The following PLCD1 variants were observed in gnomAD, a reference collection of about 807,000 sequenced individuals.
PLCD1 encodes the protein 1-phosphatidylinositol 4,5-bisphosphate phosphodiesterase delta-1.
Under a neutral mutation model 87.4 loss-of-function variants are expected in PLCD1, and 71 were observed. That is an observed-to-expected ratio of 0.81 (90% CI 0.67 to 0.99). The LOEUF (loss-of-function observed/expected upper bound fraction) is 0.99, where lower values mean the gene tolerates loss of function less well. Among genes scored for constraint, PLCD1 ranks in the 50% least tolerant of loss-of-function variants. The pLI is 0.00. For synonymous variants in PLCD1, 348 were observed against 399.2 expected, an observed-to-expected ratio of 0.87 and a Z score of 1.53; for missense variants, 867 against 1,001.5, an observed-to-expected ratio of 0.87 and a Z score of 1.81.
intron 3 of PLCD1, among the ~76,000 whole-genome samples, chr3:38,015,083 C>T (rs1700134915): frequency 6.6e-6 from 1 of 152,142 alleles, no homozygotes; most frequent in African/African-American, 2.4e-5. Context: ...ACCATATGAC[C>T]CAGCGATTCT....
Position 38,007,668 on chromosome 3 carries a change from G to T in PLCD1, c.*105C>A, listed in dbSNP as rs1287794855. On this transcript the variant is annotated 3_prime_UTR_variant, in exon 15 of 15. Transcript: ENST00000334661. ...TGTTAGGGCTGAAGGCAATTTGGGG[G>T]CCTAGCTCTGAGCAAGAGGCTGGGA... 3 of 865,862 alleles carry T rather than the reference G, an allele frequency of 3.5e-6. No homozygotes were observed. Among genetic ancestry groups the T allele is most frequent in the East Asian group, 2.6e-5 (1 of 38,888 alleles). The allele number at this position is 865,862 out of a possible 1,614,324, so 53.6% of individuals were successfully genotyped here. A position where few individuals can be genotyped will look rare whatever the true frequency, so the allele number is the denominator to read the frequency against.
chr3:38,010,504 G>A lies in PLCD1; in HGVS notation c.849C>T (p.Asp283=), dbSNP rs751217217. Reference sequence around the variant, plus strand: ...GGTGTGCCAGGCTGAAGGCGCTGCCGTCAGCCGACAGTAAGTACATGAGGA... The same window carrying A: ...GGTGTGCCAGGCTGAAGGCGCTGCCATCAGCCGACAGTAAGTACATGAGGA... The part of the protein sequence containing the change: ...DGFLMYLLSA[D]GSAFSLAHRR... The change falls in exon 6 of 15, where the codon GAC becomes GAT. Residue 283 remains aspartate, a synonymous_variant. Coordinates refer to ENST00000334661, the MANE Select transcript of PLCD1 (RefSeq NM_006225.4). The A allele has an allele frequency of 1.5e-5, 25 of 1,613,802 alleles. No individual in the cohort carries two copies. The highest frequency in any genetic ancestry group is 2.7e-5 in the African/African-American group (2 of 74,934).
Position 38,008,598 on chromosome 3 carries a change from C to T in PLCD1, c.1762G>A (p.Val588Met), listed in dbSNP as rs374428162. ...NFQTPGPEMDVYQGRFQDNGA... is the reference protein window; with the variant it reads ...NFQTPGPEMDMYQGRFQDNGA... ...TTGTCCTGGAAGCGGCCCTGGTACA[C>T]GTCCATCTCTGGCCCAGGTGTCTGG... The change falls in exon 12 of 15, where the codon GTG (valine) becomes ATG (methionine). Residue 588 changes from valine to methionine, a missense_variant. By Grantham distance (21) the Val-to-Met change is conservative (BLOSUM62 1). Transcript: ENST00000334661. The T allele has an allele frequency of 1.2e-5, 20 of 1,614,076 alleles. No individual in the cohort carries two copies. The highest frequency in any genetic ancestry group is 3.3e-5 in the South Asian group (3 of 91,090).
At chr3:38,024,749 G>A in intron 1 of PLCD1, 2 of 1,361,014 alleles carry the variant, frequency 1.5e-6, no homozygotes, top group Non-Finnish European at 1.9e-6. Context: ...AAGTAAATGA[G>A]TGGGGGGAGT....
chr3:38,021,605 G>A (rs1265119955), intron 1 of PLCD1, among the ~76,000 whole-genome samples: 3 of 152,292 alleles, frequency 2.0e-5, no homozygotes, highest in South Asian at 2.1e-4. Context: ...CTATAAGGGC[G>A]TATGTGTGCG....
chr3:38,024,016 C>T lies in PLCD1; in HGVS notation c.35-3664G>A, dbSNP rs531428262. 1.2e-5 allele frequency: 4 copies of T among 346,832 alleles called. No homozygotes were observed. The Admixed American group carries it at 1.3e-4, about 12-fold the overall frequency. The allele number at this position is 346,832 out of a possible 1,614,324, so 21.5% of individuals were successfully genotyped here. On this transcript the variant is annotated intron_variant, in intron 1 of 14. Transcript: ENST00000334661. ...AAGCACAAACTCTTGCAGATCACCT[C>T]ATTGGTTACACAGACCAGGCCACAT...
chr3:38,014,800 C>T (rs1700130982), intron 3 of PLCD1: 1 of 152,044 alleles, frequency 6.6e-6, no homozygotes, highest in Non-Finnish European at 1.5e-5. Context: ...ACAAATGATC[C>T]AAAAAATGGG....
chr3:38,016,165 A>G (rs1388765120), intron 3 of PLCD1, among the ~76,000 whole-genome samples: 1 of 152,006 alleles, frequency 6.6e-6, no homozygotes, highest in Non-Finnish European at 1.5e-5. Context: ...AGGGTGGGGC[A>G]CCCGCGCTGG....
In PLCD1 at chr3:38,017,712, C is replaced by T. The variant is rs894552033; in HGVS notation, c.200-993G>A. Among the ~76,000 whole-genome samples the T allele has an allele frequency of 2.0e-5, 3 of 152,310 alleles. No homozygotes were observed. Among genetic ancestry groups the T allele is most frequent in the East Asian group, 1.9e-4 (1 of 5,168 alleles). ...TCATCCATCTGTCCTGGCTCCTAGA[C>T]GGTTCTAGCTGAAGTCCACCTGTCC... On this transcript the variant is annotated intron_variant, in intron 2 of 14. Transcript: ENST00000334661. The surrounding 1 kb of genome is among the most constrained non-coding windows in gnomAD (Gnocchi z 4.7).
Position 38,021,396 on chromosome 3 carries a change from C to A in PLCD1, c.35-1044G>T, listed in dbSNP as rs1700231400. Among the ~76,000 whole-genome samples the A allele has an allele frequency of 3.3e-5, 5 of 152,270 alleles. No homozygotes were observed. In the South Asian group the frequency reaches 1.0e-3, roughly 32 times the overall value. On this transcript the variant is annotated intron_variant, in intron 1 of 14. Transcript: ENST00000334661. ...CAGAGAGAGGAACCTGGCTGCTTGCCCCAGTCCTGCCCCACTCTTTTGCTG... is the reference window on the plus strand; with the variant it reads ...CAGAGAGAGGAACCTGGCTGCTTGCACCAGTCCTGCCCCACTCTTTTGCTG...
In PLCD1 at chr3:38,007,784, G is replaced by A. The variant is rs767118132; in HGVS notation, c.2260C>T (p.Leu754Phe). 6.2e-7 allele frequency: 1 copy of A among 1,613,586 alleles called. No homozygotes were observed. Among genetic ancestry groups the A allele is most frequent in the Non-Finnish European group, 8.5e-7 (1 of 1,179,624 alleles). ...PSATLFVKIS[L>F]QD ...TGGCTTCCTCCAGCCTAGTCCTGGAGGGAGATCTTCACAAAGAGGGTGGCT... is the reference window on the plus strand; with the variant it reads ...TGGCTTCCTCCAGCCTAGTCCTGGAAGGAGATCTTCACAAAGAGGGTGGCT... Residue 754 changes from leucine to phenylalanine, a missense_variant, in exon 15 of 15, where the codon CTC (leucine) becomes TTC (phenylalanine). Transcript: ENST00000334661.
rs1357742254 is a variant in PLCD1 at position 38,025,526 on chromosome 3, T to C, written c.34+3980A>G. Among the ~76,000 whole-genome samples, 1 of 152,218 alleles carries C rather than the reference T, an allele frequency of 6.6e-6. No individual in the cohort carries two copies. The highest frequency in any genetic ancestry group is 2.4e-5 in the African/African-American group (1 of 41,452). Reference sequence around the variant, plus strand: ...ACTCAGCTTGCTGTTGCCTCATTTGTGAACCTCAGGTGGGCCTGTTTGCTT... The same window carrying C: ...ACTCAGCTTGCTGTTGCCTCATTTGCGAACCTCAGGTGGGCCTGTTTGCTT... On this transcript the variant is annotated intron_variant, in intron 1 of 14. Coordinates refer to ENST00000334661, the MANE Select transcript of PLCD1 (RefSeq NM_006225.4). The surrounding 1 kb of genome is among the most constrained non-coding windows in gnomAD (Gnocchi z 4.0).
chr3:38,023,174 A>G (rs1474219416), intron 1 of PLCD1, among the ~76,000 whole-genome samples: 1 of 151,982 alleles, frequency 6.6e-6, no homozygotes, highest in African/African-American at 2.4e-5. Flanking sequence ...CATAATAAAG[A>G]CACACTGGGC....
chr3:38,008,478 G>C lies in PLCD1; in HGVS notation c.1882C>G (p.Arg628Gly). 6.2e-7 allele frequency: 1 copy of C among 1,614,188 alleles called. No homozygotes were observed. Among genetic ancestry groups the C allele is most frequent in the Non-Finnish European group, 8.5e-7 (1 of 1,180,012 alleles). Residue 628 changes from arginine to glycine, a missense_variant, in exon 12 of 15, where the codon CGG (arginine) becomes GGG (glycine). Physicochemically the swap from Arg to Gly is moderately radical, Grantham distance 125. Coordinates refer to ENST00000334661, the MANE Select transcript of PLCD1 (RefSeq NM_006225.4). ...CGTACCCTGATGTTGAGCCGCTTCC[G>C]TGCCCACCAGGGCCCCTGAGCCAGG... ...RALAQGPWWARKRLNIRVISG... is the reference protein window; with the variant it reads ...RALAQGPWWAGKRLNIRVISG...
At chr3:38,016,846 A>C in intron 2 of PLCD1, 127 bp from the exon 3 acceptor site, 2 of 738,082 alleles carry the variant, frequency 2.7e-6, no homozygotes, top group South Asian at 1.5e-5. Flanking sequence ...GCCGGAGCTC[A>C]GGCCTTGAGT....
At position 38,017,574 on chromosome 3, in the gene PLCD1, AT is replaced by A. The variant is rs1700177421; in HGVS notation, c.200-856del. On this transcript the variant is annotated intron_variant, in intron 2 of 14. Transcript: ENST00000334661. This position sits in a 1 kb window ranked among gnomAD's most constrained non-coding sequence, Gnocchi z 4.7. Reference sequence around the variant, plus strand: ...CAGGCCCTGTCTACCCCCGCTTCCAATGTGCCCTCCATGGCCTGGCCAGGAG... The same window carrying A: ...CAGGCCCTGTCTACCCCCGCTTCCAAGTGCCCTCCATGGCCTGGCCAGGAG... Among the ~76,000 whole-genome samples the A allele has an allele frequency of 6.6e-6, 1 of 152,008 alleles. No individual in the cohort carries two copies.
chr3:38,022,826 C>T (rs1418590594), intron 1 of PLCD1, among the ~76,000 whole-genome samples: 4 of 152,166 alleles, frequency 2.6e-5, no homozygotes, highest in Non-Finnish European at 4.4e-5. Flanking sequence ...GCTCCCTTAG[C>T]ACCCAGAAAG....
chr3:38,007,890 A>C, intron 14 of PLCD1, 32 bp from the exon 15 acceptor site: 1 of 1,610,012 alleles, frequency 6.2e-7, no homozygotes, highest in Non-Finnish European at 8.5e-7. Context: ...GGGAACACAG[A>C]GAGAGTTCTG....
chr3:38,025,288 G>A lies in PLCD1; in HGVS notation c.34+4218C>T, dbSNP rs1235119535. ...TGGGCGGGGTCTGACCAAGGAGCCG[G>A]AGCGGCGAATTCTAACGCCACCTTT... is the stretch of plus-strand genomic sequence containing the variant. On this transcript the variant is annotated intron_variant, in intron 1 of 14. Transcript: ENST00000334661. The surrounding 1 kb of genome is among the most constrained non-coding windows in gnomAD (Gnocchi z 4.0). Among the ~76,000 whole-genome samples the A allele has an allele frequency of 2.6e-5, 4 of 152,244 alleles. No individual in the cohort carries two copies. The highest frequency in any genetic ancestry group is 5.9e-5 in the Non-Finnish European group (4 of 68,042).
Sources: allele counts gnomAD v4.1 joint callset (sites outside exome capture counted in the v4.1 genomes callset), GRCh38; gene constraint gnomAD v4.1.1; non-coding constraint Gnocchi (gnomAD v3.1); transcripts MANE v1.5; gene names NCBI Gene and HGNC (gene_info 2026-07-23, HGNC 2026-07-21).